Variants in BIRC6 observed in about 807,000 individuals in gnomAD.
BIRC6 encodes the protein baculoviral IAP repeat containing 6.
A neutral mutation model predicts 503.3 loss-of-function variants in BIRC6; 98 were observed. The observed-to-expected ratio is 0.19, with a 90% confidence interval of 0.17 to 0.23. BIRC6 has a LOEUF of 0.23. BIRC6 is among the 10% of genes least tolerant of loss of function. The probability of loss-of-function intolerance (pLI) is 1.00; values close to 1 mark genes in which losing one functional copy is unlikely to be tolerated. For missense variants in BIRC6, 5,360 were observed against 5,806.0 expected (o/e 0.92, Z 2.50); for synonymous variants, 2,240 against 2,078.7 (o/e 1.08, Z -2.11).
chr2:32,383,335 C>G (rs1285853266), intron 3 of BIRC6, among the ~76,000 whole-genome samples: 2 of 152,036 alleles, frequency 1.3e-5, no homozygotes, highest in African/African-American at 2.4e-5. Context: ...GAGCCTAGTC[C>G]TCAGTTTATA....
intron 21 of BIRC6, among the ~76,000 whole-genome samples, chr2:32,446,291 G>C (rs931647188): frequency 2.6e-5 from 4 of 152,146 alleles, no homozygotes; most frequent in African/African-American, 9.7e-5. Context: ...GCACTTTATA[G>C]GTGGAATTAT....
chr2:32,530,160 A>G (rs1220558430), intron 60 of BIRC6, among the ~76,000 whole-genome samples: 1 of 152,176 alleles, frequency 6.6e-6, no homozygotes, highest in Non-Finnish European at 1.5e-5. Flanking sequence ...TTGCATATAA[A>G]CATGTTTTCT....
At chr2:32,592,746 C>T (rs2061463698) in intron 66 of BIRC6, among the ~76,000 whole-genome samples, 1 of 152,084 alleles carries the variant, frequency 6.6e-6, no homozygotes, top group Admixed American at 6.5e-5. Flanking sequence ...CAGGCATGCG[C>T]CACCATGTCC....
intron 42 of BIRC6, among the ~76,000 whole-genome samples, chr2:32,489,478 G>T (rs543212305): frequency 6.6e-6 from 1 of 151,458 alleles, no homozygotes; most frequent in Non-Finnish European, 1.5e-5. Flanking sequence ...ATTTTATTAT[G>T]AGAAATATTA....
In BIRC6 at chr2:32,476,342, A is replaced by G. The variant is rs1391134445; in HGVS notation, c.6850A>G (p.Lys2284Glu). 1 of 1,576,960 alleles carries G rather than the reference A, an allele frequency of 6.3e-7. No homozygotes were observed. The highest frequency in any genetic ancestry group is 8.6e-7 in the Non-Finnish European group (1 of 1,159,918). The change falls in exon 34 of 74, where the codon AAG (lysine) becomes GAG (glutamate). Residue 2284 changes from lysine to glutamate, a missense_variant and splice_region_variant. Physicochemically the swap from Lys to Glu is moderately conservative, Grantham distance 56 (BLOSUM62 1). Coordinates refer to ENST00000421745, the MANE Select transcript of BIRC6 (RefSeq NM_016252.4). ...AGCAAAACTAAAGCAGGCCACTTCA[A>G]AGGTATGATCTATACTTTTCAATAT... Reference protein sequence around the residue: ...EQAKLKQATSKHFKDLIRLRR... With the variant: ...EQAKLKQATSEHFKDLIRLRR...
intron 14 of BIRC6, 67 bp downstream of exon 14, chr2:32,435,652 G>T (rs1388363290): frequency 1.4e-6 from 2 of 1,441,504 alleles, no homozygotes; most frequent in African/African-American, 1.4e-5. Flanking sequence ...GCAACATGTC[G>T]GGCAAGATTT....
In BIRC6 at chr2:32,401,505, G is replaced by A. The variant is rs887862067; in HGVS notation, c.1300G>A (p.Val434Ile). The A allele has an allele frequency of 1.2e-6, 2 of 1,613,876 alleles. No homozygotes were observed. Among genetic ancestry groups the A allele is most frequent in the African/African-American group, 2.7e-5 (2 of 74,924 alleles). Residue 434 changes from valine (V) to isoleucine (I), a missense_variant, in exon 8 of 74, where the codon GTA (valine) becomes ATA (isoleucine). Val to Ile is a conservative substitution (Grantham distance 29). Transcript: ENST00000421745. ...FEINAYDPAI[V>I]QQLILSGDPS... ...AATTAATGCCTATGATCCAGCAATT[G>A]TACAACAGCTTATTCTATCAGGAGA...
At chr2:32,478,575 A>G in intron 35 of BIRC6, 60 bp from the exon 36 acceptor site, 3 of 1,430,364 alleles carry the variant, frequency 2.1e-6, no homozygotes, top group South Asian at 2.6e-5. Flanking sequence ...GACTTCTGTT[A>G]GTGTTTGAAA....
Position 32,532,134 on chromosome 2 carries a change from C to CGT in BIRC6, c.12291+619_12291+620dup, listed in dbSNP as rs138437601. 1.4e-3 allele frequency: 613 copies of CGT among 449,658 alleles called. 4 individuals carry two copies. Among genetic ancestry groups the CGT allele is most frequent in the African/African-American group, 4.3e-3 (186 of 42,948 alleles). The allele number at this position is 449,658 out of a possible 1,614,324, so 27.9% of individuals were successfully genotyped here. A position where few individuals can be genotyped will look rare whatever the true frequency, so the allele number is the denominator to read the frequency against. ...GGAATTATTCTCTTTGATTTCATGT[C>CGT]GTGTGTGTGTGTGTGTGTGTGTGTG... On this transcript the variant is annotated intron_variant, in intron 61 of 73. Coordinates refer to ENST00000421745, the MANE Select transcript of BIRC6 (RefSeq NM_016252.4).
At chr2:32,447,057 A>G (rs2046057041) in intron 21 of BIRC6, among the ~76,000 whole-genome samples, 2 of 139,414 alleles carry the variant, frequency 1.4e-5, no homozygotes, top group Non-Finnish European at 3.1e-5. Flanking sequence ...TTCAGAGAGC[A>G]CAGGGTTGGG....
intron 46 of BIRC6, among the ~76,000 whole-genome samples, chr2:32,500,913 T>C (rs2053112516): frequency 6.6e-6 from 1 of 152,054 alleles, no homozygotes; most frequent in African/African-American, 2.4e-5. Flanking sequence ...CCAATTTTTT[T>C]TTTTGTACAG....
intron 5 of BIRC6, among the ~76,000 whole-genome samples, chr2:32,393,411 C>A: frequency 6.6e-6 from 1 of 152,184 alleles, no homozygotes; most frequent in African/African-American, 2.4e-5. Flanking sequence ...GAAACTTAAA[C>A]TGAGTGGTAT....
chr2:32,476,351 T>A lies in BIRC6; in HGVS notation c.6852+7T>A, dbSNP rs2049757649. Reference sequence around the variant, plus strand: ...AAAGCAGGCCACTTCAAAGGTATGATCTATACTTTTCAATATAGTTATCTC... The same window carrying A: ...AAAGCAGGCCACTTCAAAGGTATGAACTATACTTTTCAATATAGTTATCTC... On this transcript the variant is annotated splice_region_variant and intron_variant, in intron 34 of 73. Transcript: ENST00000421745. 2 of 1,561,500 alleles carry A rather than the reference T, an allele frequency of 1.3e-6. No homozygotes were observed. Among genetic ancestry groups the A allele is most frequent in the South Asian group, 2.4e-5 (2 of 82,328 alleles).
chr2:32,478,518 T>TCATA (rs1297721659), intron 35 of BIRC6, 117 bp from the exon 36 acceptor site: 2 of 792,622 alleles, frequency 2.5e-6, no homozygotes, highest in Non-Finnish European at 1.9e-6. Flanking sequence ...GATACCAGAC[T>TCATA]CATACATCAT....
Position 32,439,611 on chromosome 2 carries a change from G to C in BIRC6, c.3735G>C (p.Arg1245Ser), listed in dbSNP as rs777163180. The C allele has an allele frequency of 6.2e-6, 10 of 1,613,924 alleles. No homozygotes were observed. The highest frequency in any genetic ancestry group is 8.5e-6 in the Non-Finnish European group (10 of 1,179,864). ...ATGGTGGTATGCGTCCTGTAGTAAG[G>C]CTTCCATCCCTAAAACACCAGAGTA... is the stretch of plus-strand genomic sequence containing the variant. ...ICNGGMRPVV[R>S]LPSLKHQSNK... Residue 1245 changes from arginine to serine, a missense_variant, in exon 16 of 74, where the codon AGG becomes AGC. Arg to Ser is a moderately radical substitution (Grantham distance 110). Coordinates refer to ENST00000421745, the MANE Select transcript of BIRC6 (RefSeq NM_016252.4).
At position 32,439,343 on chromosome 2, in the gene BIRC6, G is replaced by A. The variant is rs779816857; in HGVS notation, c.3632-165G>A. ...TTGTTGGTTGTTTTTTGCTGACAGC[G>A]TGTGAAGGTGGTTCAACTTTCTTCT... On this transcript the variant is annotated intron_variant, in intron 15 of 73. Coordinates refer to ENST00000421745, the MANE Select transcript of BIRC6 (RefSeq NM_016252.4). Among the ~76,000 whole-genome samples the A allele has an allele frequency of 5.3e-5, 8 of 152,060 alleles. No individual in the cohort carries two copies. In the East Asian group the frequency reaches 5.8e-4, roughly 11 times the overall value.
chr2:32,408,619 C>A (rs1024526745), intron 9 of BIRC6, among the ~76,000 whole-genome samples: 2 of 152,058 alleles, frequency 1.3e-5, no homozygotes, highest in African/African-American at 4.8e-5. Flanking sequence ...TCGTATTTGG[C>A]CAATTTTCTT....
chr2:32,522,011 A>G (rs2055776073), intron 57 of BIRC6: 1 of 151,924 alleles, frequency 6.6e-6, no homozygotes, highest in Non-Finnish European at 1.5e-5. Context: ...TTTTATAATT[A>G]CAGTTACTTA....
At chr2:32,606,525 G>A (rs532656199) in intron 71 of BIRC6, among the ~76,000 whole-genome samples, 28 of 152,170 alleles carry the variant, frequency 1.8e-4, no homozygotes, top group African/African-American at 5.1e-4. Flanking sequence ...CCCAGGAGAC[G>A]GAGGTTGCAA....
Sources: gnomAD v4.1 joint callset for allele counts (sites outside exome capture counted in the v4.1 genomes callset) on GRCh38, gnomAD v4.1.1 for gene constraint, MANE v1.5 for transcripts, NCBI Gene and HGNC (gene_info 2026-07-23, HGNC 2026-07-21) for gene names.